The following TMEM117 variants were observed in gnomAD, a reference collection of about 807,000 sequenced individuals.
TMEM117 encodes transmembrane protein 117.
In TMEM117, 27 loss-of-function variants were observed where a neutral mutation model predicts 52.4. That is an observed-to-expected ratio of 0.51 (90% confidence interval 0.38 to 0.71). The LOEUF (loss-of-function observed/expected upper bound fraction) is 0.71, where lower values mean the gene tolerates loss of function less well. TMEM117 is among the 30% of genes least tolerant of loss of function. The pLI is 0.00. For synonymous variants in TMEM117, 215 were observed against 206.3 expected (o/e 1.04, Z -0.36); for missense variants, 556 against 630.5 (o/e 0.88, Z 1.26).
At chr12:43,908,410 C>T (rs1944431670) in intron 2 of TMEM117, among the ~76,000 whole-genome samples, 1 of 117,952 alleles carries the variant, frequency 8.5e-6, no homozygotes, top group Non-Finnish European at 1.9e-5. Context: ...ATGTAAAGAC[C>T]ATCGAGACTA....
the TMEM117 span, chr12:43,804,027 T>C: frequency 4.5e-6 from 1 of 224,192 alleles, no homozygotes; most frequent in African/African-American, 2.3e-5. Context: ...TCTCAGAACT[T>C]TCCCAAAACA....
At chr12:44,123,455 T>C (rs1240555910) in intron 3 of TMEM117, among the ~76,000 whole-genome samples, 2 of 152,192 alleles carry the variant, frequency 1.3e-5, no homozygotes, top group African/African-American at 4.8e-5. Context: ...TTTTTGCATT[T>C]TCGTCATGAA....
intron 6 of TMEM117, among the ~76,000 whole-genome samples, chr12:44,350,373 A>G (rs1444447741): frequency 6.6e-6 from 1 of 151,930 alleles, no homozygotes; most frequent in African/African-American, 2.4e-5. Flanking sequence ...GCCCCCAAGC[A>G]TTTATCCTTT....
At chr12:44,287,981 G>A (rs1177170174) in intron 5 of TMEM117, among the ~76,000 whole-genome samples, 2 of 152,160 alleles carry the variant, frequency 1.3e-5, no homozygotes, top group Non-Finnish European at 2.9e-5. Flanking sequence ...GTCTGAAATA[G>A]TAATTTGCTA....
At chr12:43,799,576 C>A in the TMEM117 span, 1 of 723,748 alleles carries the variant, frequency 1.4e-6, no homozygotes, top group Admixed American at 3.4e-5. Flanking sequence ...TTAGGAAAAA[C>A]AAAATCATTA....
the TMEM117 span, among the ~76,000 whole-genome samples, chr12:44,398,743 C>T: frequency 6.6e-6 from 1 of 152,214 alleles, no homozygotes; most frequent in Admixed American, 6.5e-5. Flanking sequence ...AAGGATGCTC[C>T]TGCACAAAAA....
intron 6 of TMEM117, among the ~76,000 whole-genome samples, chr12:44,334,161 A>G (rs1951309064): frequency 6.6e-6 from 1 of 152,052 alleles, no homozygotes; most frequent in African/African-American, 2.4e-5. Flanking sequence ...ATGCCTAATA[A>G]GATTGTATTC....
intron 3 of TMEM117, among the ~76,000 whole-genome samples, chr12:43,950,472 GA>G (rs1945201551): frequency 6.6e-6 from 1 of 152,054 alleles, no homozygotes; most frequent in African/African-American, 2.4e-5. Flanking sequence ...GGCAATGACT[GA>G]AGTTTCATAC....
At chr12:44,189,768 C>T (rs1392649340) in intron 4 of TMEM117, among the ~76,000 whole-genome samples, 2 of 152,134 alleles carry the variant, frequency 1.3e-5, no homozygotes, top group Non-Finnish European at 2.9e-5. Context: ...ATCAACTTTT[C>T]TGCATCACTC....
intron 4 of TMEM117, among the ~76,000 whole-genome samples, chr12:44,144,243 A>ATT (rs574595552): frequency 1.3e-5 from 2 of 152,176 alleles, no homozygotes; most frequent in Non-Finnish European, 2.9e-5. Context: ...ATCTGTCAAT[A>ATT]AAGTATCTTC....
At chr12:43,831,937 T>C (rs1942985351), upstream of TMEM117, among the ~76,000 whole-genome samples, 1 of 152,196 alleles carries the variant, frequency 6.6e-6, no homozygotes, top group Admixed American at 6.5e-5. Context: ...AGGGTTGACT[T>C]CAGATGTGGA....
At chr12:43,801,619 T>C in the TMEM117 span, among the ~76,000 whole-genome samples, 1 of 152,220 alleles carries the variant, frequency 6.6e-6, no homozygotes, top group Non-Finnish European at 1.5e-5. Flanking sequence ...AAATGTATGA[T>C]AATACTAACA....
intron 6 of TMEM117, among the ~76,000 whole-genome samples, chr12:44,371,782 C>A (rs965334558): frequency 6.6e-6 from 1 of 152,190 alleles, no homozygotes; most frequent in Non-Finnish European, 1.5e-5. Flanking sequence ...CTGAGACGAT[C>A]TTGCCTACAT....
chr12:43,946,215 C>T (rs12303804), intron 3 of TMEM117, among the ~76,000 whole-genome samples: 4 of 151,846 alleles, frequency 2.6e-5, no homozygotes, highest in Non-Finnish European at 4.4e-5. Context: ...GCTAACACAG[C>T]CAAAGGTTTC....
intron 2 of TMEM117, among the ~76,000 whole-genome samples, chr12:43,914,278 C>T (rs1451239145): frequency 6.6e-6 from 1 of 152,050 alleles, no homozygotes; most frequent in Non-Finnish European, 1.5e-5. Flanking sequence ...TTTGGTTTTG[C>T]TTCTCTTCCC....
intron 3 of TMEM117, among the ~76,000 whole-genome samples, chr12:44,124,649 T>G (rs2138148574): frequency 6.6e-6 from 1 of 152,350 alleles, no homozygotes. Flanking sequence ...TTTCTGCATC[T>G]ATTGAGATAA....
intron 5 of TMEM117, among the ~76,000 whole-genome samples, chr12:44,265,088 C>T (rs1950361606): frequency 1.3e-5 from 2 of 152,086 alleles, no homozygotes; most frequent in Non-Finnish European, 2.9e-5. Context: ...AATACTATGA[C>T]AAAAAGAAAC....
chr12:44,043,946 T>TA (rs1202356896), intron 3 of TMEM117, among the ~76,000 whole-genome samples: 1 of 152,172 alleles, frequency 6.6e-6, no homozygotes, highest in African/African-American at 2.4e-5. Context: ...CTCAGGGAGT[T>TA]AAAAAAGGTT....
chr12:43,953,383 G>A lies in TMEM117; in HGVS notation c.410+9041G>A, dbSNP rs923306194. Among the ~76,000 whole-genome samples, 3 of 152,172 alleles carry A rather than the reference G, an allele frequency of 2.0e-5. 1 individual carries two copies. Among genetic ancestry groups the A allele is most frequent in the African/African-American group, 4.8e-5 (2 of 41,532 alleles). On this transcript the variant is annotated intron_variant, in intron 3 of 7. Coordinates refer to ENST00000266534, the MANE Select transcript of TMEM117 (RefSeq NM_032256.3). ...GCTGGATACAAAGACAAGACCCACC[G>A]GTGTGCTGTCTTCAAGAGACATATC...
Sources: gnomAD v4.1 joint callset for allele counts (sites outside exome capture counted in the v4.1 genomes callset) on GRCh38, gnomAD v4.1.1 for gene constraint, MANE v1.5 for transcripts, NCBI Gene and HGNC (gene_info 2026-07-23, HGNC 2026-07-21) for gene names.